The following AP3B1 variants were observed in gnomAD, a reference collection of about 807,000 sequenced individuals.
AP3B1 encodes adaptor related protein complex 3 subunit beta 1, also known as AP-3 complex subunit beta-1.
A neutral mutation model predicts 132.5 loss-of-function variants in AP3B1; 61 were observed. That is an observed-to-expected ratio of 0.46 (90% CI 0.37 to 0.57). AP3B1 has a LOEUF of 0.57. Among genes scored for constraint, AP3B1 ranks in the 20% least tolerant of loss-of-function variants. The probability of loss-of-function intolerance (pLI) is 0.00; values close to 1 mark genes in which losing one functional copy is unlikely to be tolerated. For synonymous variants in AP3B1, 388 were observed against 438.3 expected (o/e 0.89, Z 1.43); for missense variants, 1,120 against 1,289.4 (o/e 0.87, Z 2.01).
chr5:78,141,437 C>T, intron 14 of AP3B1, 118 bp from the exon 15 acceptor site: 2 of 744,728 alleles, frequency 2.7e-6, no homozygotes, highest in Non-Finnish European at 4.3e-6. Context: ...TAATGTATAT[C>T]TAGGAATTAA....
At chr5:78,067,403 G>C (rs1362413996) in intron 22 of AP3B1, among the ~76,000 whole-genome samples, 1 of 152,138 alleles carries the variant, frequency 6.6e-6, no homozygotes, top group Non-Finnish European at 1.5e-5. Flanking sequence ...CTTGAACTCA[G>C]CTCCGGATCA....
At chr5:78,225,928 C>T (rs1242142312) in intron 5 of AP3B1, among the ~76,000 whole-genome samples, 2 of 151,874 alleles carry the variant, frequency 1.3e-5, no homozygotes, top group Non-Finnish European at 2.9e-5. Context: ...AAACTCTTTT[C>T]AACTGGGAGG....
At chr5:78,022,322 ACCTT>A (rs1456900060) in intron 24 of AP3B1, among the ~76,000 whole-genome samples, 2 of 152,180 alleles carry the variant, frequency 1.3e-5, no homozygotes, top group Non-Finnish European at 2.9e-5. Flanking sequence ...GGCAGGCACT[ACCTT>A]AGGTATGTGG....
At chr5:78,282,644 A>G (rs1307743447) in intron 1 of AP3B1, among the ~76,000 whole-genome samples, 2 of 152,220 alleles carry the variant, frequency 1.3e-5, no homozygotes, top group Admixed American at 1.3e-4. Flanking sequence ...GAAAATTAAA[A>G]ACATAAAGCA....
chr5:78,241,038 T>G lies in AP3B1; in HGVS notation c.205-102A>C, dbSNP rs890769321. The G allele has an allele frequency of 6.2e-6, 5 of 801,132 alleles. No individual in the cohort carries two copies. The African/African-American group carries it at 8.7e-5, about 14-fold the overall frequency. The allele number at this position is 801,132 out of a possible 1,614,324, so 49.6% of individuals were successfully genotyped here. The stretch of plus-strand genomic sequence containing the variant: ...GCTACGTAATTAACCGCTGAACTCT[T>G]TTTGAATCATCTTACCTCAACTATT... On this transcript the variant is annotated intron_variant, in intron 2 of 26. Coordinates refer to ENST00000255194, the MANE Select transcript of AP3B1 (RefSeq NM_003664.5).
intron 7 of AP3B1, among the ~76,000 whole-genome samples, chr5:78,214,298 T>C (rs1326243575): frequency 1.3e-5 from 2 of 152,124 alleles, no homozygotes; most frequent in Admixed American, 6.6e-5. Context: ...CAAATGTATA[T>C]GATGGTGTAA....
chr5:78,054,509 G>A (rs528658545), intron 22 of AP3B1, among the ~76,000 whole-genome samples: 2 of 138,640 alleles, frequency 1.4e-5, no homozygotes, highest in East Asian at 2.1e-4. Flanking sequence ...CAATGATTTC[G>A]TCAAGACAGA....
intron 7 of AP3B1, among the ~76,000 whole-genome samples, chr5:78,209,001 A>G (rs1215999003): frequency 6.6e-6 from 1 of 152,178 alleles, no homozygotes; most frequent in Non-Finnish European, 1.5e-5. Context: ...CAAATTCTCC[A>G]TTTCTATAAT....
At chr5:78,011,041 CTTT>C (rs11301750) in intron 26 of AP3B1, among the ~76,000 whole-genome samples, 2 of 129,344 alleles carry the variant, frequency 1.5e-5, no homozygotes, top group Admixed American at 7.8e-5. Flanking sequence ...CTGTATCTCT[CTTT>C]TTTTTTTTTT....
chr5:78,137,121 T>C (rs1752951702), intron 15 of AP3B1, among the ~76,000 whole-genome samples: 1 of 152,198 alleles, frequency 6.6e-6, no homozygotes, highest in Non-Finnish European at 1.5e-5. Context: ...TAATTTTGGA[T>C]ATACAAGATA....
chr5:78,034,288 C>T (rs1747703242), intron 24 of AP3B1, 73 bp downstream of exon 24: 2 of 1,129,226 alleles, frequency 1.8e-6, no homozygotes, highest in Non-Finnish European at 2.7e-6. Context: ...CACACAAAAG[C>T]TGTTGAAAGC....
In AP3B1 at chr5:78,039,209, T is replaced by G; in HGVS notation, c.2643A>C (p.Gly881=). ...TTGGAAAGAAATAATGGGCAGCTAG[T>G]CCTTTTCCACTCATTCGATGAAGCA... ...HVLLHRMSGK[G]LAAHYFFPRQ... The change falls in exon 23 of 27, where the codon GGA becomes GGC. Residue 881 remains glycine (G), a synonymous_variant. Coordinates refer to ENST00000255194, the MANE Select transcript of AP3B1 (RefSeq NM_003664.5). 1 of 1,614,182 alleles carries G rather than the reference T, an allele frequency of 6.2e-7. No individual in the cohort carries two copies. Among genetic ancestry groups the G allele is most frequent in the Non-Finnish European group, 8.5e-7 (1 of 1,180,024 alleles).
At chr5:78,193,732 G>GTGTATATATATATATATATATATA (rs1340871803) in intron 7 of AP3B1, among the ~76,000 whole-genome samples, 1 of 89,228 alleles carries the variant, frequency 1.1e-5, no homozygotes, top group Non-Finnish European at 2.3e-5. Flanking sequence ...TTAAATATTT[G>GTGTATATATATATATATATATATA]TATATATTTT....
intron 22 of AP3B1, among the ~76,000 whole-genome samples, chr5:78,086,990 A>G (rs1000240104): frequency 6.6e-6 from 1 of 152,100 alleles, no homozygotes; most frequent in Admixed American, 6.6e-5. Context: ...CGAATAACAC[A>G]CCTATATCAA....
chr5:78,004,761 G>C (rs145960039), intron 26 of AP3B1, among the ~76,000 whole-genome samples: 1 of 152,318 alleles, frequency 6.6e-6, no homozygotes, highest in African/African-American at 2.4e-5. Flanking sequence ...CTGAAAACTT[G>C]CAAGGAATCT....
chr5:78,049,572 C>G (rs936776582), intron 22 of AP3B1, among the ~76,000 whole-genome samples: 2 of 152,128 alleles, frequency 1.3e-5, no homozygotes, highest in African/African-American at 4.8e-5. Flanking sequence ...ACACAAAAGT[C>G]ATAGCTGACA....
intron 3 of AP3B1, among the ~76,000 whole-genome samples, chr5:78,236,202 G>T (rs1746871890): frequency 6.6e-6 from 1 of 152,140 alleles, no homozygotes; most frequent in African/African-American, 2.4e-5. Context: ...TTCTCCTACT[G>T]ATAACTATTT....
At chr5:78,160,567 G>A (rs1743348137) in intron 13 of AP3B1, among the ~76,000 whole-genome samples, 1 of 152,010 alleles carries the variant, frequency 6.6e-6, no homozygotes, top group Non-Finnish European at 1.5e-5. Context: ...AAACAATTGA[G>A]CCTAAATGTC....
chr5:78,138,899 G>A (rs1753023380), intron 15 of AP3B1, among the ~76,000 whole-genome samples: 1 of 149,616 alleles, frequency 6.7e-6, no homozygotes, highest in African/African-American at 2.5e-5. Context: ...GAACCTGGGA[G>A]GTAGAGGTTG....
Sources: allele counts gnomAD v4.1 joint callset (sites outside exome capture counted in the v4.1 genomes callset), GRCh38; gene constraint gnomAD v4.1.1; transcripts MANE v1.5; gene names NCBI Gene and HGNC (gene_info 2026-07-23, HGNC 2026-07-21).